The following PDIA5 variants were observed in gnomAD, a reference collection of about 807,000 sequenced individuals.
PDIA5 encodes the protein protein disulfide isomerase family A member 5.
In PDIA5, 58 loss-of-function variants were observed where a neutral mutation model predicts 77.6. That is an observed-to-expected ratio of 0.75 (90% CI 0.61 to 0.93). PDIA5 has a LOEUF of 0.93. PDIA5 is among the 40% of genes least tolerant of loss of function. The pLI is 0.00. For synonymous variants in PDIA5, 250 were observed against 252.1 expected (o/e 0.99, Z 0.08); for missense variants, 630 against 647.7 (o/e 0.97, Z 0.30).
chr3:123,153,942 G>T (rs2107991075), intron 14 of PDIA5, among the ~76,000 whole-genome samples: 1 of 152,334 alleles, frequency 6.6e-6, no homozygotes, highest in South Asian at 2.1e-4. Context: ...GTGGGCTGGA[G>T]CCTCCCCTTG....
chr3:123,151,135 A>G (rs1935883702), intron 14 of PDIA5, among the ~76,000 whole-genome samples: 1 of 152,168 alleles, frequency 6.6e-6, no homozygotes, highest in African/African-American at 2.4e-5. Flanking sequence ...TTCAAGTGTC[A>G]GTAATCCGTG....
At chr3:123,127,230 C>T (rs1014140466) in intron 10 of PDIA5, among the ~76,000 whole-genome samples, 1 of 152,196 alleles carries the variant, frequency 6.6e-6, no homozygotes, top group African/African-American at 2.4e-5. Flanking sequence ...CAATTGCTCT[C>T]TCCAAACTGC....
At chr3:123,156,985 G>A (rs1288076189) in intron 15 of PDIA5, among the ~76,000 whole-genome samples, 1 of 152,182 alleles carries the variant, frequency 6.6e-6, no homozygotes, top group Non-Finnish European at 1.5e-5. Flanking sequence ...CTGCTACATG[G>A]GGGCCCATTT....
intron 15 of PDIA5, among the ~76,000 whole-genome samples, chr3:123,160,586 A>G (rs1445034526): frequency 1.3e-5 from 2 of 152,088 alleles, no homozygotes; most frequent in Admixed American, 6.5e-5. Context: ...ACATCACATC[A>G]TGTTGGAATT....
intron 1 of PDIA5, among the ~76,000 whole-genome samples, chr3:123,078,605 A>G (rs762271854): frequency 1.2e-4 from 19 of 152,300 alleles, no homozygotes; most frequent in South Asian, 2.1e-4. Flanking sequence ...TTTGCCCCTT[A>G]AATACTTCAG....
chr3:123,118,394 C>T (rs908625538), intron 8 of PDIA5, among the ~76,000 whole-genome samples: 2 of 152,190 alleles, frequency 1.3e-5, no homozygotes, highest in Admixed American at 6.5e-5. Flanking sequence ...ATCTGCTCAG[C>T]TCAACTTCCC....
intron 11 of PDIA5, among the ~76,000 whole-genome samples, chr3:123,144,122 G>A (rs1383998104): frequency 6.6e-6 from 1 of 152,152 alleles, no homozygotes; most frequent in Non-Finnish European, 1.5e-5. Context: ...CCTTGGAGGA[G>A]GAGACAGGAG....
chr3:123,137,439 C>T (rs1935527806), intron 11 of PDIA5, among the ~76,000 whole-genome samples: 1 of 152,000 alleles, frequency 6.6e-6, no homozygotes, highest in Admixed American at 6.5e-5. Context: ...CTGTGTTTTC[C>T]ATGTTCCATT....
At chr3:123,127,826 T>C (rs535462649) in intron 10 of PDIA5, among the ~76,000 whole-genome samples, 21 of 152,334 alleles carry the variant, frequency 1.4e-4, no homozygotes, top group African/African-American at 5.1e-4. Context: ...CATTTTTCCC[T>C]GAATGAGGGG....
At chr3:123,112,716 C>G (rs1343532169) in intron 7 of PDIA5, among the ~76,000 whole-genome samples, 1 of 151,856 alleles carries the variant, frequency 6.6e-6, no homozygotes, top group Non-Finnish European at 1.5e-5. Context: ...CGCCATGAGG[C>G]CTGGCTAATT....
At chr3:123,100,726 T>G (rs1036564862) in intron 3 of PDIA5, among the ~76,000 whole-genome samples, 1 of 152,194 alleles carries the variant, frequency 6.6e-6, no homozygotes, top group Non-Finnish European at 1.5e-5. Flanking sequence ...TCTTTACACT[T>G]AAAATGAGGT....
intron 14 of PDIA5, among the ~76,000 whole-genome samples, chr3:123,151,741 TGCCTGCCTG>T (rs1935898605): frequency 1.2e-5 from 1 of 83,518 alleles, no homozygotes; most frequent in East Asian, 3.3e-4. Context: ...CCTTCCTGCC[TGCCTGCCTG>T]CCTGCCTGCC....
Position 123,161,345 on chromosome 3 carries a change from G to A in PDIA5, c.1369G>A (p.Val457Ile), listed in dbSNP as rs748005835. The change falls in exon 16 of 17, where the codon GTC (valine) becomes ATC (isoleucine). Residue 457 changes from valine (V) to isoleucine (I), a missense_variant. By Grantham distance (29) the Val-to-Ile change is conservative. Transcript: ENST00000316218. ...GATTGCCTGTGCCGCTGTTGACTGT[G>A]TCAAAGACAAGAACCAAGACCTGTG... is the stretch of plus-strand genomic sequence containing the variant. Reference protein sequence around the residue: ...RKIACAAVDCVKDKNQDLCQQ... With the variant: ...RKIACAAVDCIKDKNQDLCQQ... 8.7e-6 allele frequency: 14 copies of A among 1,614,016 alleles called. No homozygotes were observed. The highest frequency in any genetic ancestry group is 1.7e-5 in the Admixed American group (1 of 59,992).
intron 11 of PDIA5, among the ~76,000 whole-genome samples, chr3:123,131,460 A>G (rs569385842): frequency 6.8e-6 from 1 of 146,314 alleles, no homozygotes; most frequent in African/African-American, 2.6e-5. Context: ...TTTTTAATTT[A>G]AAAAAAAAAG....
chr3:123,107,170 C>T (rs996098145), intron 6 of PDIA5, among the ~76,000 whole-genome samples: 1 of 152,110 alleles, frequency 6.6e-6, no homozygotes, highest in African/African-American at 2.4e-5. Context: ...TTAGGATTGG[C>T]TTTACATCTT....
chr3:123,125,151 A>G (rs138824756), intron 10 of PDIA5, among the ~76,000 whole-genome samples: 1 of 152,250 alleles, frequency 6.6e-6, no homozygotes, highest in East Asian at 1.9e-4. Context: ...ACCCTCGCTG[A>G]GCACGCACCC....
chr3:123,136,836 C>T lies in PDIA5; in HGVS notation c.910+6220C>T, dbSNP rs1255331569. Among the ~76,000 whole-genome samples the T allele has an allele frequency of 2.0e-5, 3 of 149,602 alleles. 1 individual carries two copies. The highest frequency in any genetic ancestry group is 4.4e-5 in the Non-Finnish European group (3 of 67,764). Reference sequence around the variant, plus strand: ...CTGTGATTTGCTTTTTTTAACTTGTCAATAGGTCTCGAAGATATTTTCATG... The same window carrying T: ...CTGTGATTTGCTTTTTTTAACTTGTTAATAGGTCTCGAAGATATTTTCATG... On this transcript the variant is annotated intron_variant, in intron 11 of 16. Transcript: ENST00000316218.
At chr3:123,134,246 T>C (rs1935439232) in intron 11 of PDIA5, among the ~76,000 whole-genome samples, 1 of 152,104 alleles carries the variant, frequency 6.6e-6, no homozygotes, top group Non-Finnish European at 1.5e-5. Flanking sequence ...CTGGTCTGCT[T>C]TGTTGCTTCT....
At chr3:123,150,630 G>A (rs77098493) in intron 14 of PDIA5, among the ~76,000 whole-genome samples, 3,062 of 152,022 alleles carry the variant, frequency 0.02, 100 homozygotes, top group African/African-American at 0.066. Context: ...CTCTGTGCTC[G>A]TCCCCTCTTG....
Sources: gnomAD v4.1 joint callset for allele counts (sites outside exome capture counted in the v4.1 genomes callset) on GRCh38, gnomAD v4.1.1 for gene constraint, MANE v1.5 for transcripts, NCBI Gene and HGNC (gene_info 2026-07-23, HGNC 2026-07-21) for gene names.